Variants in MMP16 observed in about 807,000 individuals in gnomAD.
The protein encoded by MMP16 is matrix metallopeptidase 16.
A neutral mutation model predicts 67.8 loss-of-function variants in MMP16; 12 were observed. The ratio of observed to expected loss-of-function variants is 0.18; its 90% CI spans 0.11 to 0.29. The LOEUF (loss-of-function observed/expected upper bound fraction) is 0.29, where lower values mean the gene tolerates loss of function less well. Among genes scored for constraint, MMP16 ranks in the 10% least tolerant of loss-of-function variants. The probability of loss-of-function intolerance (pLI) is 1.00; values close to 1 mark genes in which losing one functional copy is unlikely to be tolerated. For synonymous variants in MMP16, 249 were observed against 255.9 expected (o/e 0.97, Z 0.26); for missense variants, 475 against 765.7 (o/e 0.62, Z 4.48).
intron 3 of MMP16, among the ~76,000 whole-genome samples, chr8:88,183,430 T>C (rs1218608410): frequency 6.6e-6 from 1 of 152,190 alleles, no homozygotes; most frequent in Non-Finnish European, 1.5e-5. Context: ...ATTTGTTAAT[T>C]ATTTCTAAAC....
At chr8:88,172,515 GATC>G (rs1472549570) in intron 3 of MMP16, among the ~76,000 whole-genome samples, 2 of 152,102 alleles carry the variant, frequency 1.3e-5, no homozygotes, top group African/African-American at 2.4e-5. Flanking sequence ...GTCACAGAGT[GATC>G]ATGAGGTAAT....
chr8:88,104,561 C>T (rs1809203265), intron 6 of MMP16, among the ~76,000 whole-genome samples: 1 of 151,622 alleles, frequency 6.6e-6, no homozygotes, highest in African/African-American at 2.4e-5. Context: ...ACCTATTGCG[C>T]TGCCAGTCAT....
rs184739169 is a variant in MMP16 at position 88,285,907 on chromosome 8, T to C, written c.132+41168A>G. 7.6e-4 allele frequency among the ~76,000 whole-genome samples: 116 copies of C among 152,300 alleles called. 1 individual carries two copies. The highest frequency in any genetic ancestry group is 1.3e-3 in the Non-Finnish European group (88 of 68,026). On this transcript the variant is annotated intron_variant, in intron 1 of 9. Coordinates refer to ENST00000286614, the MANE Select transcript of MMP16 (RefSeq NM_005941.5). ...TTGCCATCTTATTTGTCACCTGTTA[T>C]GTCATCTCATCCTCCTCCTGCAACA...
intron 4 of MMP16, among the ~76,000 whole-genome samples, chr8:88,157,188 A>T (rs752752467): frequency 1.3e-5 from 2 of 152,130 alleles, no homozygotes; most frequent in Non-Finnish European, 2.9e-5. Context: ...ATTTGAACAA[A>T]AAAAATACAC....
At chr8:88,192,746 A>C (rs1809190444) in intron 2 of MMP16, among the ~76,000 whole-genome samples, 3 of 152,240 alleles carry the variant, frequency 2.0e-5, no homozygotes, top group Non-Finnish European at 4.4e-5. Context: ...TATTTCAATT[A>C]TCAAATTAGG....
intron 6 of MMP16, among the ~76,000 whole-genome samples, chr8:88,088,596 A>G (rs1808882686): frequency 6.6e-6 from 1 of 152,090 alleles, no homozygotes; most frequent in African/African-American, 2.4e-5. Flanking sequence ...AGCTGTTGCC[A>G]TAACAGGGGA....
intron 8 of MMP16, among the ~76,000 whole-genome samples, chr8:88,052,878 AG>A (rs1808287863): frequency 6.6e-6 from 1 of 152,178 alleles, no homozygotes; most frequent in Non-Finnish European, 1.5e-5. Context: ...GTCAACCCTA[AG>A]TCCCAACCTG....
chr8:88,086,404 T>G (rs999781244), intron 6 of MMP16, among the ~76,000 whole-genome samples: 1 of 151,950 alleles, frequency 6.6e-6, no homozygotes, highest in Non-Finnish European at 1.5e-5. Context: ...TGTTGAAACA[T>G]GTAAAAGGTT....
intron 1 of MMP16, among the ~76,000 whole-genome samples, chr8:88,215,937 T>C (rs887494101): frequency 6.6e-6 from 1 of 152,192 alleles, no homozygotes; most frequent in Non-Finnish European, 1.5e-5. Flanking sequence ...ATCATCTTGA[T>C]AGCCTTTAGA....
chr8:88,206,553 C>A (rs1025275861), intron 1 of MMP16, among the ~76,000 whole-genome samples: 1 of 152,178 alleles, frequency 6.6e-6, no homozygotes, highest in African/African-American at 2.4e-5. Flanking sequence ...GGTCTGTTCA[C>A]GCCTTGTGCC....
intron 4 of MMP16, among the ~76,000 whole-genome samples, chr8:88,142,061 C>T (rs1297931767): frequency 9.9e-5 from 15 of 151,666 alleles, no homozygotes; most frequent in Non-Finnish European, 7.4e-5. Context: ...GGGACTTAGG[C>T]GCACAGCTAA....
intron 6 of MMP16, among the ~76,000 whole-genome samples, chr8:88,095,725 T>C (rs1809015408): frequency 6.6e-6 from 1 of 151,918 alleles, no homozygotes; most frequent in Non-Finnish European, 1.5e-5. Context: ...CCTTTGACAA[T>C]GTAAGAGTGT....
rs1470921626 is a variant in MMP16, at chr8:88,080,999, T to C, written c.1084-6256A>G. Reference sequence around the variant, plus strand: ...ACCTCTTTGCAAGCAGTATGAGATTTCAGAGGCACTCTGCTGGATGCTCTC... The same window carrying C: ...ACCTCTTTGCAAGCAGTATGAGATTCCAGAGGCACTCTGCTGGATGCTCTC... On this transcript the variant is annotated intron_variant, in intron 6 of 9. Coordinates refer to ENST00000286614, the MANE Select transcript of MMP16 (RefSeq NM_005941.5). Among the ~76,000 whole-genome samples the C allele has an allele frequency of 2.6e-5, 4 of 152,206 alleles. No homozygotes were observed. In the East Asian group the frequency reaches 7.8e-4, roughly 30 times the overall value.
At chr8:88,241,571 G>A (rs1810034815) in intron 1 of MMP16, among the ~76,000 whole-genome samples, 1 of 151,852 alleles carries the variant, frequency 6.6e-6, no homozygotes, top group Non-Finnish European at 1.5e-5. Context: ...AATAGAAATT[G>A]GACATATTTA....
intron 1 of MMP16, among the ~76,000 whole-genome samples, chr8:88,266,913 C>T (rs1224024440): frequency 1.3e-5 from 2 of 152,170 alleles, no homozygotes; most frequent in Admixed American, 6.6e-5. Context: ...CATTTCCTCA[C>T]AAAAACTGGT....
chr8:88,204,317 G>A (rs1314286071), intron 1 of MMP16, among the ~76,000 whole-genome samples: 1 of 152,206 alleles, frequency 6.6e-6, no homozygotes, highest in African/African-American at 2.4e-5. Flanking sequence ...ACAAAATAAG[G>A]CTCATGATTT....
chr8:88,091,428 T>C (rs767291278), intron 6 of MMP16, among the ~76,000 whole-genome samples: 26 of 151,928 alleles, frequency 1.7e-4, no homozygotes, highest in Middle Eastern at 3.4e-3. Context: ...ATTCTGTATA[T>C]TGTTCTGGTT....
intron 1 of MMP16, among the ~76,000 whole-genome samples, chr8:88,265,540 T>C (rs1810462929): frequency 1.3e-5 from 2 of 151,996 alleles, no homozygotes; most frequent in Non-Finnish European, 2.9e-5. Context: ...AAAATATGGG[T>C]AAAGTTTATA....
At chr8:88,243,885 G>A (rs1810070462) in intron 1 of MMP16, among the ~76,000 whole-genome samples, 2 of 152,146 alleles carry the variant, frequency 1.3e-5, no homozygotes, top group South Asian at 4.1e-4. Flanking sequence ...CTGGTTGCCA[G>A]AATTTTAGTC....
Sources: allele counts gnomAD v4.1 joint callset (sites outside exome capture counted in the v4.1 genomes callset), GRCh38; gene constraint gnomAD v4.1.1; transcripts MANE v1.5; gene names NCBI Gene and HGNC (gene_info 2026-07-23, HGNC 2026-07-21).